Variants in FHIT observed in about 807,000 individuals in gnomAD.
FHIT encodes the protein bis(5'-adenosyl)-triphosphatase.
FHIT carries 19 observed loss-of-function variants against 17.9 expected under a neutral mutation model. The observed-to-expected ratio is 1.06, with a 90% confidence interval of 0.74 to 1.56. FHIT has a LOEUF of 1.56. Ranked by LOEUF, FHIT falls within the 40% of genes most tolerant of loss-of-function variation. The pLI is 0.00. For missense variants in FHIT, 248 were observed against 189.2 expected (o/e 1.31, Z -1.82); for synonymous variants, 81 against 69.7 (o/e 1.16, Z -0.81).
intron 5 of FHIT, among the ~76,000 whole-genome samples, chr3:60,022,551 C>A (rs1700591474): frequency 6.6e-6 from 1 of 152,168 alleles, no homozygotes; most frequent in African/African-American, 2.4e-5. Flanking sequence ...CAGTGAGACC[C>A]CGAATTATAG....
chr3:60,457,548 A>C lies in FHIT; in HGVS notation c.103+79312T>G, dbSNP rs553070479. ...AAGGACTTCATGTCTAAAGCACCAA[A>C]AGCAATGGCAACAAAAGCCAAAATT... On this transcript the variant is annotated intron_variant, in intron 5 of 9. Transcript: ENST00000492590. Among the ~76,000 whole-genome samples, 4 of 152,304 alleles carry C rather than the reference A, an allele frequency of 2.6e-5. No individual in the cohort carries two copies. In the South Asian group the frequency reaches 8.3e-4, roughly 32 times the overall value.
At chr3:60,708,573 A>C (rs2041433123) in intron 4 of FHIT, among the ~76,000 whole-genome samples, 2 of 152,140 alleles carry the variant, frequency 1.3e-5, no homozygotes, top group Admixed American at 1.3e-4. Flanking sequence ...TAATTGGCAA[A>C]CCTTTTACCT....
intron 8 of FHIT, among the ~76,000 whole-genome samples, chr3:59,814,218 T>A (rs1436555747): frequency 2.0e-5 from 3 of 152,194 alleles, no homozygotes; most frequent in African/African-American, 7.2e-5. Context: ...TGGAACAACA[T>A]CAGACTTGTT....
chr3:61,205,810 T>C (rs1349454358), intron 1 of FHIT, among the ~76,000 whole-genome samples: 40 of 151,752 alleles, frequency 2.6e-4, no homozygotes, highest in African/African-American at 8.9e-4. Context: ...TGTGCAGAAG[T>C]GCTTTAGTTT....
intron 3 of FHIT, among the ~76,000 whole-genome samples, chr3:60,963,367 T>A (rs1199643719): frequency 6.6e-6 from 1 of 152,232 alleles, no homozygotes; most frequent in Non-Finnish European, 1.5e-5. Flanking sequence ...TTGTTGATCT[T>A]TTCAAAAAAC....
intron 5 of FHIT, among the ~76,000 whole-genome samples, chr3:60,529,381 G>A (rs535538007): frequency 6.2e-4 from 95 of 152,188 alleles, no homozygotes; most frequent in Non-Finnish European, 7.8e-4. Flanking sequence ...TATGTACTCA[G>A]TAGATTTTAA....
At chr3:60,659,854 G>C (rs538980125) in intron 4 of FHIT, among the ~76,000 whole-genome samples, 5 of 152,014 alleles carry the variant, frequency 3.3e-5, no homozygotes, top group African/African-American at 1.2e-4. Flanking sequence ...TTTTGTTGTT[G>C]TTGTTGAAAA....
intron 4 of FHIT, among the ~76,000 whole-genome samples, chr3:60,605,993 T>C (rs782295355): frequency 2.3e-4 from 35 of 152,092 alleles, no homozygotes; most frequent in Admixed American, 3.9e-4. Flanking sequence ...TAGACACAAT[T>C]ATAGAAACCA....
At position 60,073,319 on chromosome 3, in the gene FHIT, G is replaced by A. The variant is rs73830679; in HGVS notation, c.104-59167C>T. ...TGTATATAACAAAACTATTGGGAAAGGGGATTGCCTTACTCACTCACCTTG... is the reference window on the plus strand; with the variant it reads ...TGTATATAACAAAACTATTGGGAAAAGGGATTGCCTTACTCACTCACCTTG... On this transcript the variant is annotated intron_variant, in intron 5 of 9. Transcript: ENST00000492590. Among the ~76,000 whole-genome samples, 1,046 of 152,088 alleles carry A rather than the reference G, an allele frequency of 6.9e-3. 14 individuals carry two copies. Among genetic ancestry groups the A allele is most frequent in the African/African-American group, 0.024 (995 of 41,506 alleles).
intron 7 of FHIT, among the ~76,000 whole-genome samples, chr3:59,926,310 T>A (rs867014998): frequency 2.0e-5 from 3 of 152,186 alleles, no homozygotes. Context: ...AAAGTATACA[T>A]TGATTCACTC....
At chr3:59,905,397 A>G (rs553783112) in intron 8 of FHIT, among the ~76,000 whole-genome samples, 101 of 152,318 alleles carry the variant, frequency 6.6e-4, no homozygotes, top group African/African-American at 2.4e-3. Flanking sequence ...ATAGGGGAAC[A>G]TTTTATGGTA....
chr3:59,899,560 G>A lies in FHIT; in HGVS notation c.348+22786C>T, dbSNP rs968690570. Among the ~76,000 whole-genome samples the A allele has an allele frequency of 2.6e-5, 4 of 152,116 alleles. 1 individual carries two copies. The highest frequency in any genetic ancestry group is 4.1e-4 in the South Asian group (2 of 4,836). ...AAGAATCAGCTATTGTAGGCCAGGC[G>A]CAGTGGCTCACACCTATAATCCTAG... On this transcript the variant is annotated intron_variant, in intron 8 of 9. Coordinates refer to ENST00000492590, the MANE Select transcript of FHIT (RefSeq NM_002012.4).
At chr3:59,777,388 C>T (rs188287899) in intron 8 of FHIT, among the ~76,000 whole-genome samples, 2 of 150,950 alleles carry the variant, frequency 1.3e-5, no homozygotes, top group Non-Finnish European at 2.9e-5. Context: ...AAAAAAAAAA[C>T]CCCTGACTTG....
chr3:60,037,257 T>A (rs539112575), intron 5 of FHIT, among the ~76,000 whole-genome samples: 16 of 152,280 alleles, frequency 1.1e-4, no homozygotes, highest in African/African-American at 3.6e-4. Flanking sequence ...TAAAACAAGG[T>A]AGAAAATACA....
intron 8 of FHIT, among the ~76,000 whole-genome samples, chr3:59,919,522 T>C (rs142055168): frequency 7.2e-5 from 11 of 152,232 alleles, no homozygotes; most frequent in African/African-American, 2.4e-4. Context: ...CATCAATTAG[T>C]CTCCAAATCT....
intron 5 of FHIT, among the ~76,000 whole-genome samples, chr3:60,264,195 G>A (rs902092210): frequency 2.6e-5 from 4 of 151,912 alleles, no homozygotes; most frequent in Admixed American, 2.6e-4. Flanking sequence ...AGAAGAAAAT[G>A]TTCTCTGAGG....
intron 2 of FHIT, among the ~76,000 whole-genome samples, chr3:61,061,319 G>A (rs1360798396): frequency 6.6e-6 from 1 of 152,044 alleles, no homozygotes; most frequent in African/African-American, 2.4e-5. Context: ...TTTGTGCCTT[G>A]GTTACAGGTA....
intron 4 of FHIT, among the ~76,000 whole-genome samples, chr3:60,798,839 C>A (rs1701084195): frequency 6.8e-6 from 1 of 147,696 alleles, no homozygotes; most frequent in South Asian, 2.2e-4. Flanking sequence ...CTCACTGCAA[C>A]CTCCTCCTCC....
At chr3:60,655,108 ACTT>A (rs1429312269) in intron 4 of FHIT, among the ~76,000 whole-genome samples, 2 of 152,190 alleles carry the variant, frequency 1.3e-5, no homozygotes, top group Non-Finnish European at 2.9e-5. Flanking sequence ...TAAGGCAAAT[ACTT>A]CTTGTCTTTA....
Sources: allele counts gnomAD v4.1 joint callset (sites outside exome capture counted in the v4.1 genomes callset), GRCh38; gene constraint gnomAD v4.1.1; transcripts MANE v1.5; gene names NCBI Gene and HGNC (gene_info 2026-07-23, HGNC 2026-07-21).